The following HSPH1 variants were observed in gnomAD, a reference collection of about 807,000 sequenced individuals.
HSPH1 encodes the protein heat shock protein 105 kDa.
HSPH1 carries 40 observed loss-of-function variants against 100.0 expected under a neutral mutation model. That is an observed-to-expected ratio of 0.40 (90% CI 0.31 to 0.52). The LOEUF is 0.52. Among genes scored for constraint, HSPH1 ranks in the 20% least tolerant of loss-of-function variants. The probability of loss-of-function intolerance (pLI) is 0.54; values close to 1 mark genes in which losing one functional copy is unlikely to be tolerated. For missense variants in HSPH1, 876 were observed against 1,015.1 expected (o/e 0.86, Z 1.86); for synonymous variants, 403 against 344.0 (o/e 1.17, Z -1.90).
chr13:31,151,392 A>G (rs2137608561), intron 6 of HSPH1: 5 of 680,940 alleles, frequency 7.3e-6, no homozygotes, highest in Middle Eastern at 4.1e-4. Flanking sequence ...TAACTGTAAA[A>G]AGCCTTTTCT....
At chr13:31,137,767 G>C (rs1311940673) in intron 17 of HSPH1, among the ~76,000 whole-genome samples, 1 of 152,070 alleles carries the variant, frequency 6.6e-6, no homozygotes, top group Admixed American at 6.6e-5. Flanking sequence ...CCTCACAACA[G>C]TGTTAAAAGA....
At chr13:31,146,062 G>C (rs564388654) in intron 10 of HSPH1, among the ~76,000 whole-genome samples, 1 of 152,270 alleles carries the variant, frequency 6.6e-6, no homozygotes, top group East Asian at 1.9e-4. Context: ...TTGAGCCCAA[G>C]AGTTCAAGGT....
At chr13:31,154,510 T>C (rs564095384) in intron 4 of HSPH1, 123 bp downstream of exon 4, 2 of 1,100,690 alleles carry the variant, frequency 1.8e-6, no homozygotes, top group East Asian at 2.4e-5. Flanking sequence ...CACATGTTAA[T>C]ACAGTCCAGT....
Position 31,150,006 on chromosome 13 carries a change from A to C in HSPH1, c.1085T>G (p.Ile362Ser). Reference sequence around the variant, plus strand: ...TTCATCTGCATTGAGTGTTGTGCTAATATCTTTTCCAAAGAATTTGGCAAT... The same window carrying C: ...TTCATCTGCATTGAGTGTTGTGCTACTATCTTTTCCAAAGAATTTGGCAAT... ...ERIAKFFGKD[I>S]STTLNADEAV... The change falls in exon 8 of 18, where the codon ATT becomes AGT. Residue 362 changes from isoleucine (I) to serine (S), a missense_variant. Physicochemically the swap from Ile to Ser is moderately radical, Grantham distance 142 (BLOSUM62 -2). Transcript: ENST00000320027. 1 of 1,613,870 alleles carries C rather than the reference A, an allele frequency of 6.2e-7. No homozygotes were observed. The highest frequency in any genetic ancestry group is 8.5e-7 in the Non-Finnish European group (1 of 1,179,826).
chr13:31,157,661 GTTT>G (rs1049901710), intron 2 of HSPH1, among the ~76,000 whole-genome samples: 1 of 152,026 alleles, frequency 6.6e-6, no homozygotes, highest in Admixed American at 6.6e-5. Context: ...TTAGAAAAAT[GTTT>G]TTTATTTCAA....
chr13:31,141,145 G>C lies in HSPH1; in HGVS notation c.1831C>G (p.Leu611Val), dbSNP rs777195938. 2 of 1,599,760 alleles carry C rather than the reference G, an allele frequency of 1.3e-6. No homozygotes were observed. The highest frequency in any genetic ancestry group is 1.3e-5 in the African/African-American group (1 of 74,342). ...ACCTCTGTCTCAATATACATGTTAA[G>C]AAGGTCTTTCCCTAACTGCCAGACC... ...NLVWQLGKDL[L>V]NMYIETEGKM... The change falls in exon 13 of 18, where the codon CTT (leucine) becomes GTT (valine). Residue 611 changes from leucine to valine, a missense_variant. By Grantham distance (32) the Leu-to-Val change is conservative. Transcript: ENST00000320027.
rs750501659 is a variant in HSPH1 at position 31,161,604 on chromosome 13, C to T, written c.-22G>A. 2 of 1,610,714 alleles carry T rather than the reference C, an allele frequency of 1.2e-6. No homozygotes were observed. The highest frequency in any genetic ancestry group is 1.3e-5 in the African/African-American group (1 of 75,016). On this transcript the variant is annotated 5_prime_UTR_variant, in exon 1 of 18. Coordinates refer to ENST00000320027, the MANE Select transcript of HSPH1 (RefSeq NM_006644.4). ...ACATGGCCGGCTCGCGGTCCGCCTC[C>T]GCCTCGGGTCTCGGTCTGCGTCCTC... is the stretch of plus-strand genomic sequence containing the variant.
At position 31,152,952 on chromosome 13, in the gene HSPH1, C is replaced by A; in HGVS notation, c.430-1G>T. 1 of 1,605,472 alleles carries A rather than the reference C, an allele frequency of 6.2e-7. No homozygotes were observed. The highest frequency in any genetic ancestry group is 1.3e-5 in the African/African-American group (1 of 74,742). On this transcript the variant is annotated splice_acceptor_variant, in intron 4 of 17. Transcript: ENST00000320027. LOFTEE classifies it high-confidence loss of function. ...CAGCATCTGTAAAGAAGGAGGGGAC[C>A]TACAAACAAACAAAAAATTTTGAAT... is the stretch of plus-strand genomic sequence containing the variant.
chr13:31,137,552 AT>A (rs754275214), intron 17 of HSPH1, 28 bp from the exon 18 acceptor site: 1 of 1,539,748 alleles, frequency 6.5e-7, no homozygotes, highest in African/African-American at 1.4e-5. Context: ...TAGTTATCAG[AT>A]TAACTCAGAT....
intron 12 of HSPH1, among the ~76,000 whole-genome samples, chr13:31,142,156 G>A (rs1187358650): frequency 6.6e-6 from 1 of 152,002 alleles, no homozygotes; most frequent in Non-Finnish European, 1.5e-5. Flanking sequence ...ATGGTAAAAC[G>A]GGAAGAGACT....
intron 14 of HSPH1, among the ~76,000 whole-genome samples, chr13:31,139,461 C>T (rs542094701): frequency 1.3e-5 from 2 of 152,096 alleles, no homozygotes; most frequent in East Asian, 1.9e-4. Context: ...CATTCCTAAC[C>T]GGTTCATGTA....
intron 11 of HSPH1, 22 bp downstream of exon 11, chr13:31,145,541 A>C: frequency 6.3e-7 from 1 of 1,596,616 alleles, no homozygotes; most frequent in East Asian, 2.2e-5. Flanking sequence ...ATTCAAACAC[A>C]AAGGTTTATC....
intron 2 of HSPH1, among the ~76,000 whole-genome samples, chr13:31,158,451 A>G (rs1956777823): frequency 6.7e-6 from 1 of 148,528 alleles, no homozygotes; most frequent in African/African-American, 2.5e-5. Flanking sequence ...CAGGAGGCTG[A>G]GGCAGGAGAA....
chr13:31,162,148 C>A, upstream of HSPH1: 1 of 1,476,980 alleles, frequency 6.8e-7, no homozygotes, highest in South Asian at 1.2e-5. Flanking sequence ...TCCGCCCACT[C>A]CCGCCCTAGC....
In HSPH1 at chr13:31,138,423, A is replaced by C; in HGVS notation, c.2354T>G (p.Ile785Ser). ...AACACTCACCTTGATTTTTGTTTTA[A>C]TTTCCTGAGCACGTACAACTGGATC... ...DQDPVVRAQE[I>S]KTKIKELNNT... is the part of the protein sequence containing the mutation. Residue 785 changes from isoleucine (I) to serine (S), a missense_variant, in exon 17 of 18, where the codon ATT (isoleucine) becomes AGT (serine). Transcript: ENST00000320027. 1.2e-6 allele frequency: 2 copies of C among 1,612,422 alleles called. No homozygotes were observed. The highest frequency in any genetic ancestry group is 1.7e-6 in the Non-Finnish European group (2 of 1,179,122).
intron 17 of HSPH1, among the ~76,000 whole-genome samples, chr13:31,138,194 T>C (rs550870205): frequency 6.6e-6 from 1 of 152,210 alleles, no homozygotes; most frequent in South Asian, 2.1e-4. Context: ...ACAAATACAC[T>C]TGTTGAAATG....
At chr13:31,142,840 G>A (rs1036249761) in intron 12 of HSPH1, among the ~76,000 whole-genome samples, 2 of 152,078 alleles carry the variant, frequency 1.3e-5, no homozygotes, top group Non-Finnish European at 2.9e-5. Flanking sequence ...GGAGTGTGCT[G>A]TTGAAACTAA....
intron 17 of HSPH1, among the ~76,000 whole-genome samples, chr13:31,137,847 A>G: frequency 6.6e-6 from 1 of 152,294 alleles, no homozygotes; most frequent in East Asian, 1.9e-4. Context: ...AGATCAGGAA[A>G]ACTAGTGAGG....
Position 31,145,568 on chromosome 13 carries a change from T to C in HSPH1, c.1579A>G (p.Thr527Ala), listed in dbSNP as rs755375646. Reference sequence around the variant, plus strand: ...AGGTTTATCCACAAACTTACATCAGTGTCTGGGTTTTCTGGTGGTCTCTGA... The same window carrying C: ...AGGTTTATCCACAAACTTACATCAGCGTCTGGGTTTTCTGGTGGTCTCTGA... ...LNQRPPENPD[T>A]DKNVQQDNSE... Residue 527 changes from threonine to alanine, a missense_variant, in exon 11 of 18, where the codon ACT (threonine) becomes GCT (alanine). Coordinates refer to ENST00000320027, the MANE Select transcript of HSPH1 (RefSeq NM_006644.4). The C allele has an allele frequency of 6.8e-6, 11 of 1,612,440 alleles. No individual in the cohort carries two copies. In the South Asian group the frequency reaches 1.1e-4, roughly 16 times the overall value.
Sources: gnomAD v4.1 joint callset for allele counts (sites outside exome capture counted in the v4.1 genomes callset) on GRCh38, gnomAD v4.1.1 for gene constraint, MANE v1.5 for transcripts, NCBI Gene and HGNC (gene_info 2026-07-23, HGNC 2026-07-21) for gene names.